KAZN: variants seen among roughly 807,000 people sequenced by gnomAD.
KAZN encodes the protein kazrin, periplakin interacting protein, also known as kazrin.
KAZN carries 40 observed loss-of-function variants against 87.4 expected under a neutral mutation model. That is an observed-to-expected ratio of 0.46 (90% CI 0.36 to 0.60). The LOEUF (loss-of-function observed/expected upper bound fraction) is 0.60, where lower values mean the gene tolerates loss of function less well. Ranked by LOEUF, KAZN falls within the 20% of genes least tolerant of loss-of-function variation. KAZN has a pLI of 0.00. For missense variants in KAZN, 898 were observed against 1,073.9 expected (o/e 0.84, Z 2.29); for synonymous variants, 466 against 458.3 (o/e 1.02, Z -0.22).
chr1:14,090,852 G>A (rs1399551099), intron 1 of KAZN, among the ~76,000 whole-genome samples: 2 of 152,096 alleles, frequency 1.3e-5, no homozygotes, highest in African/African-American at 4.8e-5. Flanking sequence ...GGTGGCTCAG[G>A]CCTGTAATCC....
intron 2 of KAZN, among the ~76,000 whole-genome samples, chr1:14,992,340 C>T (rs1185595954): frequency 6.6e-6 from 1 of 152,184 alleles, no homozygotes; most frequent in Non-Finnish European, 1.5e-5. Flanking sequence ...CTCTAATGCC[C>T]AGGGAGCATC....
intron 2 of KAZN, among the ~76,000 whole-genome samples, chr1:14,334,531 G>A (rs998145697): frequency 6.6e-6 from 1 of 152,128 alleles, no homozygotes; most frequent in African/African-American, 2.4e-5. Context: ...TCACTTTCAC[G>A]CTGCAGGAAG....
intron 1 of KAZN, among the ~76,000 whole-genome samples, chr1:14,716,995 C>T (rs762964154): frequency 1.3e-5 from 2 of 151,562 alleles, no homozygotes; most frequent in Non-Finnish European, 2.9e-5. Flanking sequence ...AATGCCTTCT[C>T]CTCCAGCCCT....
chr1:13,950,913 C>T (rs732264), intron 1 of KAZN, among the ~76,000 whole-genome samples: 10,788 of 152,114 alleles, frequency 0.071, 589 homozygotes, highest in East Asian at 0.2. Flanking sequence ...AGGAAGGAAT[C>T]GCCTTCCCAA....
chr1:14,422,739 G>C (rs1425387392), intron 2 of KAZN, among the ~76,000 whole-genome samples: 1 of 152,234 alleles, frequency 6.6e-6, no homozygotes, highest in East Asian at 1.9e-4. Context: ...TTGTGGTCCA[G>C]AAGGCAGGTG....
chr1:14,480,043 A>T (rs1668981863), intron 2 of KAZN, among the ~76,000 whole-genome samples: 1 of 152,214 alleles, frequency 6.6e-6, no homozygotes, highest in Non-Finnish European at 1.5e-5. Context: ...ATGAGATAAA[A>T]ATCCTGACAT....
chr1:14,051,149 T>A (rs1212921266), intron 1 of KAZN, among the ~76,000 whole-genome samples: 1 of 152,146 alleles, frequency 6.6e-6, no homozygotes, highest in Non-Finnish European at 1.5e-5. Context: ...GCATCAAGCG[T>A]CATAGAATTC....
chr1:14,155,144 C>A (rs893902062), intron 1 of KAZN, among the ~76,000 whole-genome samples: 1 of 152,176 alleles, frequency 6.6e-6, no homozygotes, highest in Non-Finnish European at 1.5e-5. Context: ...TAGAATTCAG[C>A]AGTGAAGTCA....
At chr1:14,462,966 C>T (rs1418750576) in intron 2 of KAZN, among the ~76,000 whole-genome samples, 1 of 152,132 alleles carries the variant, frequency 6.6e-6, no homozygotes, top group East Asian at 1.9e-4. Context: ...TGTTAGACAG[C>T]AATCTTTTAT....
At chr1:14,952,493 AT>A (rs142127716) in intron 1 of KAZN, among the ~76,000 whole-genome samples, 2 of 151,562 alleles carry the variant, frequency 1.3e-5, no homozygotes, top group East Asian at 3.9e-4. Flanking sequence ...CTATATTTAG[AT>A]TTTTTTTTCT....
intron 2 of KAZN, among the ~76,000 whole-genome samples, chr1:14,330,165 C>T (rs1656743253): frequency 6.6e-6 from 1 of 152,142 alleles, no homozygotes; most frequent in East Asian, 1.9e-4. Flanking sequence ...GCAAAGGGAA[C>T]CCAACTGCAG....
intron 1 of KAZN, among the ~76,000 whole-genome samples, chr1:14,160,042 C>T (rs995157583): frequency 3.3e-5 from 5 of 152,180 alleles, no homozygotes; most frequent in Admixed American, 2.6e-4. Flanking sequence ...ATGAGCTGTG[C>T]AGCCTGGGGT....
intron 2 of KAZN, among the ~76,000 whole-genome samples, chr1:14,220,406 T>C (rs955223610): frequency 2.6e-5 from 4 of 152,172 alleles, no homozygotes; most frequent in Admixed American, 2.6e-4. Context: ...CATCCCTAAC[T>C]ACCCTGTGGA....
chr1:14,556,670 C>A (rs947721989), intron 2 of KAZN, among the ~76,000 whole-genome samples: 3 of 152,116 alleles, frequency 2.0e-5, no homozygotes, highest in Non-Finnish European at 4.4e-5. Context: ...AGTAACCATT[C>A]ATGCAAGAAT....
chr1:14,212,474 A>G (rs939256717), intron 2 of KAZN, among the ~76,000 whole-genome samples: 5 of 150,932 alleles, frequency 3.3e-5, no homozygotes, highest in African/African-American at 1.2e-4. Context: ...ACCACAGATT[A>G]TAAGCCAGAA....
At chr1:14,227,816 CAGTACGTATT>C (rs1647427626) in intron 2 of KAZN, among the ~76,000 whole-genome samples, 1 of 152,164 alleles carries the variant, frequency 6.6e-6, no homozygotes, top group Non-Finnish European at 1.5e-5. Flanking sequence ...CTGGAAAATT[CAGTACGTATT>C]AAAACCTTGT....
At chr1:14,253,121 GAAA>G (rs57180691) in intron 2 of KAZN, among the ~76,000 whole-genome samples, 58 of 122,346 alleles carry the variant, frequency 4.7e-4, no homozygotes, top group East Asian at 2.2e-3. Context: ...AGAAAAAAGA[GAAA>G]AAAAAAAAAA....
chr1:14,609,174 A>T (rs552095769), intron 1 of KAZN, among the ~76,000 whole-genome samples: 2 of 152,332 alleles, frequency 1.3e-5, no homozygotes, highest in East Asian at 3.9e-4. Context: ...AAAGTTTACT[A>T]TGTAAAGCAA....
At chr1:15,092,423 G>C (rs1640593732) in intron 8 of KAZN, among the ~76,000 whole-genome samples, 1 of 152,008 alleles carries the variant, frequency 6.6e-6, no homozygotes. Flanking sequence ...TATTGAGTTT[G>C]TCTGTTTGGG....
Sources: allele counts gnomAD v4.1 joint callset (sites outside exome capture counted in the v4.1 genomes callset), GRCh38; gene constraint gnomAD v4.1.1; transcripts MANE v1.5; gene names NCBI Gene and HGNC (gene_info 2026-07-23, HGNC 2026-07-21).